The following SCFD1 variants were observed in gnomAD, a reference collection of about 807,000 sequenced individuals.
SCFD1 encodes the protein sec1 family domain containing 1.
A neutral mutation model predicts 103.2 loss-of-function variants in SCFD1; 37 were observed. The observed-to-expected ratio is 0.36, with a 90% confidence interval of 0.28 to 0.47. The LOEUF is 0.47. SCFD1 is among the 20% of genes least tolerant of loss of function. The pLI is 1.00. For missense variants in SCFD1, 639 were observed against 761.2 expected (o/e 0.84, Z 1.89); for synonymous variants, 264 against 245.0 (o/e 1.08, Z -0.73).
intron 7 of SCFD1, among the ~76,000 whole-genome samples, chr14:30,649,286 T>G (rs1337697921): frequency 1.3e-5 from 2 of 152,118 alleles, no homozygotes; most frequent in African/African-American, 2.4e-5. Flanking sequence ...ATGGGTGCAC[T>G]AAAAGCCCAG....
At chr14:30,672,354 T>C (rs565601709) in intron 11 of SCFD1, among the ~76,000 whole-genome samples, 6 of 152,298 alleles carry the variant, frequency 3.9e-5, no homozygotes, top group African/African-American at 7.2e-5. Flanking sequence ...AATTGGACTG[T>C]GTTCCTCAGA....
At chr14:30,682,993 C>T in intron 14 of SCFD1, 1 of 863,974 alleles carries the variant, frequency 1.2e-6, no homozygotes, top group Non-Finnish European at 1.8e-6. Flanking sequence ...AAAGACAGAC[C>T]ATCTAAGGAA....
chr14:30,622,384 C>A lies in SCFD1; in HGVS notation c.46C>A (p.Arg16=), dbSNP rs756315578. ...GACAGCAGCAGCAGCAGCCAGTATT[C>A]GGGAAAGGCAGACAGGTACTGACTT... ...AATAAAAASI[R]ERQTVALKRM... Residue 16 remains arginine, a synonymous_variant, in exon 1 of 25, where the codon CGG becomes AGG. Transcript: ENST00000458591. 4 of 1,555,738 alleles carry A rather than the reference C, an allele frequency of 2.6e-6. No homozygotes were observed. Among genetic ancestry groups the A allele is most frequent in the Non-Finnish European group, 8.7e-7 (1 of 1,149,300 alleles).
chr14:30,692,720 G>A (rs11628947), intron 14 of SCFD1, among the ~76,000 whole-genome samples: 11,943 of 152,172 alleles, frequency 0.078, 761 homozygotes, highest in African/African-American at 0.17. Flanking sequence ...GGATCAGAGG[G>A]CCTGAAAGTT....
intron 1 of SCFD1, 182 bp downstream of exon 1, chr14:30,622,581 CTGTGG>C: frequency 3.7e-6 from 4 of 1,078,302 alleles, no homozygotes; most frequent in Non-Finnish European, 5.1e-6. Context: ...TCGGTTCCTC[CTGTGG>C]TGCAGGAGAA....
At chr14:30,630,806 A>G (rs372449869) in intron 3 of SCFD1, 7 of 404,498 alleles carry the variant, frequency 1.7e-5, no homozygotes, top group East Asian at 1.5e-4. Flanking sequence ...AAAGGAAAAG[A>G]ACTAGTAATC....
chr14:30,673,275 A>G lies in SCFD1; in HGVS notation c.1014A>G (p.Ala338=), dbSNP rs1449555717. 6.3e-7 allele frequency: 1 copy of G among 1,593,194 alleles called. No individual in the cohort carries two copies. Among genetic ancestry groups the G allele is most frequent in the Non-Finnish European group, 8.6e-7 (1 of 1,167,512 alleles). ...GTTTTAGTCCATTCCCAGAAGTTGC[A>G]GAATCAGTTCAGCAAGAACTAGAAT... ...KHKGSPFPEV[A]ESVQQELESY... Residue 338 remains alanine, a synonymous_variant, in exon 12 of 25, where the codon GCA becomes GCG. Transcript: ENST00000458591.
At chr14:30,630,450 A>T in intron 2 of SCFD1, 27 bp from the exon 3 acceptor site, 5 of 1,305,452 alleles carry the variant, frequency 3.8e-6, no homozygotes, top group Non-Finnish European at 4.4e-6. Flanking sequence ...TTCACTGATA[A>T]TGATGACACA....
At chr14:30,713,333 G>A (rs571181029) in intron 19 of SCFD1, among the ~76,000 whole-genome samples, 2 of 151,846 alleles carry the variant, frequency 1.3e-5, no homozygotes, top group East Asian at 1.9e-4. Context: ...ATGTGTAGAT[G>A]GTTTTGGTGT....
intron 19 of SCFD1, among the ~76,000 whole-genome samples, chr14:30,708,780 A>AAT (rs1891659613): frequency 6.6e-6 from 1 of 152,172 alleles, no homozygotes; most frequent in African/African-American, 2.4e-5. Flanking sequence ...ATTTGGGGAT[A>AAT]ATAAAATTGT....
chr14:30,664,797 G>A (rs1012332056), intron 10 of SCFD1, among the ~76,000 whole-genome samples: 4 of 152,280 alleles, frequency 2.6e-5, no homozygotes, highest in African/African-American at 9.6e-5. Flanking sequence ...GAGTATCAAT[G>A]ATTGAAGATC....
intron 14 of SCFD1, among the ~76,000 whole-genome samples, chr14:30,692,789 AACAGC>A (rs1890408523): frequency 6.6e-6 from 1 of 152,178 alleles, no homozygotes; most frequent in Non-Finnish European, 1.5e-5. Flanking sequence ...CTCTGCAGAT[AACAGC>A]TTTTCCCAAG....
intron 19 of SCFD1, among the ~76,000 whole-genome samples, chr14:30,713,137 C>CT (rs1892012363): frequency 6.6e-6 from 1 of 151,872 alleles, no homozygotes; most frequent in African/African-American, 2.4e-5. Flanking sequence ...CAATTCAGGC[C>CT]TTTATCTAGG....
chr14:30,697,324 AATAGGCT>A (rs1379327073), intron 15 of SCFD1, among the ~76,000 whole-genome samples: 1 of 152,224 alleles, frequency 6.6e-6, no homozygotes, highest in East Asian at 1.9e-4. Context: ...AGTCAGCTTG[AATAGGCT>A]CCAGATGATG....
intron 22 of SCFD1, 34 bp from the exon 23 acceptor site, chr14:30,722,460 G>A (rs369616685): frequency 1.8e-5 from 25 of 1,391,694 alleles, no homozygotes; most frequent in Non-Finnish European, 2.2e-5. Flanking sequence ...ACTAAAAACT[G>A]TGTTTTTTTT....
intron 3 of SCFD1, among the ~76,000 whole-genome samples, chr14:30,631,781 C>T (rs1884158908): frequency 6.6e-6 from 1 of 152,080 alleles, no homozygotes; most frequent in Non-Finnish European, 1.5e-5. Flanking sequence ...CACAGTGGCT[C>T]ATGCCAGTAA....
chr14:30,707,769 C>T (rs1372760942), intron 18 of SCFD1: 5 of 572,528 alleles, frequency 8.7e-6, no homozygotes, highest in South Asian at 8.4e-5. Context: ...TAATTATTGA[C>T]TAATCAGAGT....
At chr14:30,650,775 A>G in intron 9 of SCFD1, 125 bp downstream of exon 9, 1 of 593,454 alleles carries the variant, frequency 1.7e-6, no homozygotes, top group Non-Finnish European at 3.0e-6. Context: ...GCTAATCAGG[A>G]TCAAGGTTTT....
At chr14:30,674,570 C>G (rs1888857821) in intron 13 of SCFD1, among the ~76,000 whole-genome samples, 1 of 152,100 alleles carries the variant, frequency 6.6e-6, no homozygotes, top group African/African-American at 2.4e-5. Flanking sequence ...ATCGCTTGAA[C>G]CTGGGTGGCG....
Sources: allele counts gnomAD v4.1 joint callset (sites outside exome capture counted in the v4.1 genomes callset), GRCh38; gene constraint gnomAD v4.1.1; transcripts MANE v1.5; gene names NCBI Gene and HGNC (gene_info 2026-07-23, HGNC 2026-07-21).